Variants in ZNF622 observed in about 807,000 individuals in gnomAD.
ZNF622 encodes cytoplasmic 60S subunit biogenesis factor ZNF622.
ZNF622 carries 34 observed loss-of-function variants against 49.7 expected under a neutral mutation model. The ratio of observed to expected loss-of-function variants is 0.68; its 90% CI spans 0.52 to 0.91. The LOEUF (loss-of-function observed/expected upper bound fraction) is 0.91. ZNF622 is among the 40% of genes least tolerant of loss of function. The pLI is 0.00. For synonymous variants in ZNF622, 209 were observed against 228.7 expected (o/e 0.91, Z 0.78); for missense variants, 569 against 616.4 (o/e 0.92, Z 0.81).
intron 3 of ZNF622, among the ~76,000 whole-genome samples, chr5:16,462,291 G>GTC (rs1738131640): frequency 1.3e-5 from 2 of 152,194 alleles, no homozygotes; most frequent in African/African-American, 4.8e-5. Context: ...TCCTGTGCTA[G>GTC]CTCACAGGAA....
chr5:16,463,544 T>A lies in ZNF622; in HGVS notation c.824A>T (p.His275Leu), dbSNP rs1437558396. The part of the protein sequence containing the change: ...MKNVAHMTKD[H>L]SFFIPDIEYL... ...TTCTATATCAGGAATAAAGAAACTG[T>A]GGTCTTTGGTCATGTGAGCCACATT... is the stretch of plus-strand genomic sequence containing the variant. The change falls in exon 2 of 6, where the codon CAC becomes CTC. Residue 275 changes from histidine to leucine, a missense_variant. Transcript: ENST00000308683. This position sits in a 1 kb window ranked among gnomAD's most constrained non-coding sequence, Gnocchi z 4.2. The A allele has an allele frequency of 6.2e-7, 1 of 1,614,180 alleles. No homozygotes were observed. Among genetic ancestry groups the A allele is most frequent in the South Asian group, 1.1e-5 (1 of 91,082 alleles).
intron 3 of ZNF622, 31 bp from the exon 4 acceptor site, chr5:16,458,660 A>G (rs1738073045): frequency 6.9e-7 from 1 of 1,444,028 alleles, no homozygotes; most frequent in Non-Finnish European, 9.6e-7. Context: ...TAATAAATAG[A>G]CTAATATCTC....
At chr5:16,456,710 A>T (rs192280506) in intron 4 of ZNF622, among the ~76,000 whole-genome samples, 6 of 152,300 alleles carry the variant, frequency 3.9e-5, no homozygotes, top group African/African-American at 1.4e-4. Flanking sequence ...ACCAGAAGCG[A>T]GAGAAACTCA....
In ZNF622 at chr5:16,463,551, T is replaced by C; in HGVS notation, c.817A>G (p.Lys273Glu). The change falls in exon 2 of 6, where the codon AAA becomes GAA. Residue 273 changes from lysine (K) to glutamate (E), a missense_variant. Transcript: ENST00000308683. This position sits in a 1 kb window ranked among gnomAD's most constrained non-coding sequence, Gnocchi z 4.2. ...TCAGGAATAAAGAAACTGTGGTCTT[T>C]GGTCATGTGAGCCACATTCTTCATC... ...SLMKNVAHMT[K>E]DHSFFIPDIE... 1 of 1,614,238 alleles carries C rather than the reference T, an allele frequency of 6.2e-7. No individual in the cohort carries two copies. Among genetic ancestry groups the C allele is most frequent in the African/African-American group, 1.3e-5 (1 of 75,068 alleles).
At chr5:16,458,476 C>T (rs1338441677) in intron 4 of ZNF622, 41 bp downstream of exon 4, 3 of 1,358,422 alleles carry the variant, frequency 2.2e-6, no homozygotes, top group South Asian at 2.4e-5. Flanking sequence ...TCCCTCAATC[C>T]CACTGGCATT....
intron 4 of ZNF622, among the ~76,000 whole-genome samples, chr5:16,457,285 T>G (rs1413676438): frequency 2.6e-5 from 4 of 152,174 alleles, no homozygotes; most frequent in African/African-American, 9.7e-5. Flanking sequence ...AGGTCTATGG[T>G]TATCTGATTC....
chr5:16,451,895 T>G, intron 5 of ZNF622, 111 bp from the exon 6 acceptor site: 1 of 1,381,386 alleles, frequency 7.2e-7, no homozygotes, highest in Non-Finnish European at 9.8e-7. Context: ...ACTAGGTTCT[T>G]GTATTTAAAA....
In ZNF622 at chr5:16,465,294, G is replaced by C; in HGVS notation, c.372C>G (p.Asp124Glu). Reference sequence around the variant, plus strand: ...GGATGGCCGCGTTCATGGCATCCTTGTCCACACTGTCCACGCCCAGTCCTT... The same window carrying C: ...GGATGGCCGCGTTCATGGCATCCTTCTCCACACTGTCCACGCCCAGTCCTT... ...LEKGLGVDSVDKDAMNAAIQQ... is the reference protein window; with the variant it reads ...LEKGLGVDSVEKDAMNAAIQQ... The change falls in exon 1 of 6, where the codon GAC (aspartate) becomes GAG (glutamate). Residue 124 changes from aspartate (D) to glutamate (E), a missense_variant. Transcript: ENST00000308683. This position sits in a 1 kb window ranked among gnomAD's most constrained non-coding sequence, Gnocchi z 6.2. 1 of 1,614,246 alleles carries C rather than the reference G, an allele frequency of 6.2e-7. No individual in the cohort carries two copies. The highest frequency in any genetic ancestry group is 1.7e-5 in the Admixed American group (1 of 60,036).
At chr5:16,464,141 A>G (rs915909833) in intron 1 of ZNF622, among the ~76,000 whole-genome samples, 1 of 152,172 alleles carries the variant, frequency 6.6e-6, no homozygotes, top group Non-Finnish European at 1.5e-5. Context: ...TGCTCTATGA[A>G]CGGCTATGGT....
In ZNF622 at chr5:16,453,926, T is replaced by C. The variant is rs574328325; in HGVS notation, c.1163-770A>G. Among the ~76,000 whole-genome samples, 58 of 152,232 alleles carry C rather than the reference T, an allele frequency of 3.8e-4. 1 individual carries two copies. Among genetic ancestry groups the C allele is most frequent in the African/African-American group, 1.4e-3 (57 of 41,544 alleles). ...GCCAAGGCTGAGTAACCCTGACCTA[T>C]TGCTTCCTAAATGATGGAAATCACC... On this transcript the variant is annotated intron_variant, in intron 4 of 5. Transcript: ENST00000308683.
chr5:16,453,009 G>A lies in ZNF622; in HGVS notation c.1306+4C>T. ...CTGGTCTGTAGTTGTAAAGATCAAT[G>A]TACCTGTGCTGCCAGTCCATCCCAG... On this transcript the variant is annotated splice_donor_region_variant and intron_variant, in intron 5 of 5. Transcript: ENST00000308683. 6.9e-7 allele frequency: 1 copy of A among 1,456,622 alleles called. No homozygotes were observed. The highest frequency in any genetic ancestry group is 2.5e-5 in the East Asian group (1 of 40,076). The allele number at this position is 1,456,622 out of a possible 1,614,324, so 90.2% of individuals were successfully genotyped here.
intron 3 of ZNF622, among the ~76,000 whole-genome samples, chr5:16,461,422 A>G (rs1028281553): frequency 1.3e-5 from 2 of 152,214 alleles, no homozygotes; most frequent in Non-Finnish European, 2.9e-5. Context: ...GTGGGTAGTA[A>G]GGATGTAAAT....
chr5:16,453,566 T>TAC (rs1737970496), intron 4 of ZNF622, among the ~76,000 whole-genome samples: 1 of 39,540 alleles, frequency 2.5e-5, no homozygotes, highest in African/African-American at 1.4e-4. Context: ...AAATTATATA[T>TAC]ATATATATAT....
At chr5:16,453,212 G>A in intron 4 of ZNF622, 56 bp from the exon 5 acceptor site, 1 of 1,358,478 alleles carries the variant, frequency 7.4e-7, no homozygotes, top group East Asian at 2.7e-5. Flanking sequence ...TTTCAAGGCA[G>A]AGCTATAAAG....
intron 4 of ZNF622, among the ~76,000 whole-genome samples, chr5:16,454,140 C>CTT (rs1486138868): frequency 6.6e-6 from 1 of 152,016 alleles, no homozygotes; most frequent in Non-Finnish European, 1.5e-5. Context: ...GGCCCACTAA[C>CTT]TTGTAACAGA....
Position 16,465,210 on chromosome 5 carries a change from TGCAG to T in ZNF622, c.452_455del (p.Pro151GlnfsTer113). On this transcript the variant is annotated frameshift_variant, in exon 1 of 6. Coordinates refer to ENST00000308683, the MANE Select transcript of ZNF622 (RefSeq NM_033414.3). LOFTEE classifies it high-confidence loss of function. The surrounding 1 kb of genome is among the most constrained non-coding windows in gnomAD (Gnocchi z 6.2). ...CGGCCACGACATTCCTGGCCTCCTT[TGCAG>T]GCGCTGGGGGCGCCTTCTTGGGAGA... 1.2e-6 allele frequency: 2 copies of T among 1,614,190 alleles called. No individual in the cohort carries two copies. Among genetic ancestry groups the T allele is most frequent in the Non-Finnish European group, 8.5e-7 (1 of 1,180,030 alleles).
At chr5:16,461,760 T>C (rs1042361202) in intron 3 of ZNF622, among the ~76,000 whole-genome samples, 4 of 152,132 alleles carry the variant, frequency 2.6e-5, no homozygotes, top group Non-Finnish European at 5.9e-5. Flanking sequence ...AGTAGAAATA[T>C]CAAGGAGGCA....
intron 3 of ZNF622, among the ~76,000 whole-genome samples, chr5:16,462,794 T>C (rs112195399): frequency 6.2e-4 from 94 of 152,292 alleles, no homozygotes; most frequent in African/African-American, 2.2e-3. Flanking sequence ...AGGAACCCAA[T>C]ATGTGAAACC....
In ZNF622 at chr5:16,451,558, GT is replaced by G; in HGVS notation, c.*98del. 6.8e-7 allele frequency: 1 copy of G among 1,463,432 alleles called. No individual in the cohort carries two copies. Among genetic ancestry groups the G allele is most frequent in the African/African-American group, 1.4e-5 (1 of 70,722 alleles). 90.7% of individuals were successfully genotyped at this position (1,463,432 alleles called of 1,614,324 possible). A position where few individuals can be genotyped will look rare whatever the true frequency, so the allele number is the denominator to read the frequency against. ...TTATTATTAGGTCAGAACGAATGAAGTAGCAGCAAAAGGGTCTCTCCTATGA... is the reference window on the plus strand; with the variant it reads ...TTATTATTAGGTCAGAACGAATGAAGAGCAGCAAAAGGGTCTCTCCTATGA... On this transcript the variant is annotated 3_prime_UTR_variant, in exon 6 of 6. Coordinates refer to ENST00000308683, the MANE Select transcript of ZNF622 (RefSeq NM_033414.3).
Sources: allele counts gnomAD v4.1 joint callset (sites outside exome capture counted in the v4.1 genomes callset), GRCh38; gene constraint gnomAD v4.1.1; non-coding constraint Gnocchi (gnomAD v3.1); transcripts MANE v1.5; gene names NCBI Gene and HGNC (gene_info 2026-07-23, HGNC 2026-07-21).